MCU: variants seen among roughly 807,000 people sequenced by gnomAD.
The protein encoded by MCU is calcium uniporter protein, mitochondrial.
MCU carries 12 observed loss-of-function variants against 45.2 expected under a neutral mutation model. The observed-to-expected ratio is 0.27, with a 90% CI of 0.17 to 0.43. The LOEUF is 0.43. MCU is among the 20% of genes least tolerant of loss of function. The pLI, the probability that MCU is intolerant of heterozygous loss-of-function variation, is 1.00. For synonymous variants in MCU, 160 were observed against 165.1 expected (o/e 0.97, Z 0.24); for missense variants, 324 against 436.7 (o/e 0.74, Z 2.30).
At chr10:72,757,511 C>T (rs772526860) in intron 1 of MCU, among the ~76,000 whole-genome samples, 33 of 152,146 alleles carry the variant, frequency 2.2e-4, no homozygotes, top group African/African-American at 7.5e-4. Context: ...CTAAGAGGTG[C>T]GAGCCTGTGT....
chr10:72,872,709 A>G (rs1374194046), intron 6 of MCU, among the ~76,000 whole-genome samples: 1 of 152,250 alleles, frequency 6.6e-6, no homozygotes, highest in Non-Finnish European at 1.5e-5. Flanking sequence ...TATTGTGAAT[A>G]GTGCTGCGGT....
At chr10:72,783,727 C>T (rs527539890) in intron 1 of MCU, among the ~76,000 whole-genome samples, 11 of 152,198 alleles carry the variant, frequency 7.2e-5, no homozygotes, top group Admixed American at 5.9e-4. Flanking sequence ...CCAAGAAAAA[C>T]GCATAGAGTG....
chr10:72,728,301 A>G (rs1320461589), intron 1 of MCU, among the ~76,000 whole-genome samples: 2 of 152,130 alleles, frequency 1.3e-5, no homozygotes, highest in Non-Finnish European at 2.9e-5. Context: ...TCTGACTTTT[A>G]TTTTGAGGAG....
chr10:72,861,879 A>G (rs1029174890), intron 4 of MCU: 1 of 287,162 alleles, frequency 3.5e-6, no homozygotes, highest in Non-Finnish European at 6.8e-6. Flanking sequence ...TTAAATAAAG[A>G]CAGAGTCAGT....
chr10:72,866,071 C>T (rs1180750699), intron 4 of MCU, among the ~76,000 whole-genome samples: 1 of 149,950 alleles, frequency 6.7e-6, no homozygotes, highest in Non-Finnish European at 1.5e-5. Flanking sequence ...GCCACCACGC[C>T]CGGCCTTCCC....
intron 1 of MCU, among the ~76,000 whole-genome samples, chr10:72,737,725 G>A (rs1358801322): frequency 6.6e-6 from 1 of 151,898 alleles, no homozygotes; most frequent in Non-Finnish European, 1.5e-5. Context: ...TCACCATGTC[G>A]GTCAGGCTGG....
At chr10:72,855,455 G>A (rs541012093) in intron 2 of MCU, among the ~76,000 whole-genome samples, 74 of 151,852 alleles carry the variant, frequency 4.9e-4, no homozygotes, top group Non-Finnish European at 9.3e-4. Flanking sequence ...AGTTACATAT[G>A]CCTATAGTCC....
intron 2 of MCU, among the ~76,000 whole-genome samples, chr10:72,837,358 AC>A (rs1212817570): frequency 6.6e-6 from 1 of 152,116 alleles, no homozygotes; most frequent in Non-Finnish European, 1.5e-5. Flanking sequence ...TCATACTCAC[AC>A]CCATGTTTGC....
intron 6 of MCU, among the ~76,000 whole-genome samples, chr10:72,872,189 C>T (rs952326634): frequency 2.0e-4 from 30 of 151,906 alleles, no homozygotes; most frequent in African/African-American, 5.3e-4. Context: ...TGCATGTATA[C>T]AACATATATA....
intron 1 of MCU, among the ~76,000 whole-genome samples, chr10:72,791,603 A>G (rs1464094310): frequency 6.6e-6 from 1 of 151,342 alleles, no homozygotes; most frequent in Non-Finnish European, 1.5e-5. Flanking sequence ...GATATAGGAT[A>G]AGTTATTTTT....
chr10:72,732,560 G>A (rs1246847758), intron 1 of MCU, among the ~76,000 whole-genome samples: 2 of 152,188 alleles, frequency 1.3e-5, no homozygotes, highest in African/African-American at 2.4e-5. Flanking sequence ...CTGGTGAACC[G>A]AATTAAAGCT....
At chr10:72,831,599 T>G (rs898709758) in intron 1 of MCU, among the ~76,000 whole-genome samples, 6 of 152,170 alleles carry the variant, frequency 3.9e-5, no homozygotes, top group African/African-American at 1.4e-4. Flanking sequence ...AATTTTTGCT[T>G]CGTGGGTTGG....
chr10:72,703,959 A>T (rs1842788432), intron 1 of MCU, among the ~76,000 whole-genome samples: 1 of 152,210 alleles, frequency 6.6e-6, no homozygotes, highest in Non-Finnish European at 1.5e-5. Context: ...AATATTTTTT[A>T]CTATGTATTT....
intron 1 of MCU, among the ~76,000 whole-genome samples, chr10:72,718,460 C>T (rs527511288): frequency 1.1e-4 from 17 of 152,106 alleles, no homozygotes; most frequent in Admixed American, 2.6e-4. Flanking sequence ...AACTATCCTA[C>T]GTCAATAAGT....
chr10:72,867,136 ATTT>A (rs1397683385), intron 4 of MCU, among the ~76,000 whole-genome samples: 1 of 150,646 alleles, frequency 6.6e-6, no homozygotes. Flanking sequence ...CTTCATCTGA[ATTT>A]TTTCATTGAT....
intron 1 of MCU, among the ~76,000 whole-genome samples, chr10:72,732,087 A>G (rs978793197): frequency 1.7e-4 from 26 of 152,156 alleles, no homozygotes; most frequent in Non-Finnish European, 3.2e-4. Flanking sequence ...GAGGGTTCCA[A>G]TTGCCCTGTA....
At chr10:72,787,107 T>G (rs571497582) in intron 1 of MCU, among the ~76,000 whole-genome samples, 5 of 152,230 alleles carry the variant, frequency 3.3e-5, no homozygotes, top group Non-Finnish European at 7.3e-5. Context: ...AAACAAAACA[T>G]GATTTGAAAG....
At chr10:72,840,932 A>G (rs2132844247) in intron 2 of MCU, among the ~76,000 whole-genome samples, 1 of 152,348 alleles carries the variant, frequency 6.6e-6, no homozygotes, top group Non-Finnish European at 1.5e-5. Flanking sequence ...AAAAGAAGCC[A>G]CATGAAATTG....
chr10:72,718,959 C>G (rs904049720), intron 1 of MCU, among the ~76,000 whole-genome samples: 1 of 152,110 alleles, frequency 6.6e-6, no homozygotes, highest in Admixed American at 6.5e-5. Context: ...GGAGACTGAT[C>G]ACCTTTGTTG....
Sources: gnomAD v4.1 joint callset for allele counts (sites outside exome capture counted in the v4.1 genomes callset) on GRCh38, gnomAD v4.1.1 for gene constraint, MANE v1.5 for transcripts, NCBI Gene and HGNC (gene_info 2026-07-23, HGNC 2026-07-21) for gene names.